Variants in MEI4 observed in about 807,000 individuals in gnomAD.
The protein encoded by MEI4 is meiotic double-stranded break formation protein 4, also known as meiosis-specific protein MEI4.
Under a neutral mutation model 31.4 loss-of-function variants are expected in MEI4, and 27 were observed. The observed-to-expected ratio is 0.86, with a 90% CI of 0.63 to 1.19. The LOEUF (loss-of-function observed/expected upper bound fraction) is 1.19, where lower values mean the gene tolerates loss of function less well. MEI4 is among the 50% of genes most tolerant of loss of function. The probability of loss-of-function intolerance (pLI) is 0.00; values close to 1 mark genes in which losing one functional copy is unlikely to be tolerated. For synonymous variants in MEI4, 122 were observed against 145.4 expected, an observed-to-expected ratio of 0.84 and a Z score of 1.16; for missense variants, 329 against 398.9, an observed-to-expected ratio of 0.82 and a Z score of 1.49.
chr6:77,749,506 AG>A (rs1767708122), intron 2 of MEI4, among the ~76,000 whole-genome samples: 1 of 152,184 alleles, frequency 6.6e-6, no homozygotes, highest in African/African-American at 2.4e-5. Context: ...ATCAAGTGGA[AG>A]AAAGGATATC....
intron 4 of MEI4, among the ~76,000 whole-genome samples, chr6:77,840,063 T>C (rs1209207870): frequency 6.6e-6 from 1 of 152,212 alleles, no homozygotes; most frequent in Non-Finnish European, 1.5e-5. Context: ...ATGGTAGAAA[T>C]TCTAACCAGA....
intron 2 of MEI4, among the ~76,000 whole-genome samples, chr6:77,732,093 A>C (rs1175160621): frequency 6.6e-6 from 1 of 150,810 alleles, no homozygotes; most frequent in African/African-American, 2.5e-5. Flanking sequence ...TTGACTTAGG[A>C]TTGACTTGGC....
intron 4 of MEI4, among the ~76,000 whole-genome samples, chr6:77,912,773 T>G (rs1766460559): frequency 6.6e-6 from 1 of 152,152 alleles, no homozygotes; most frequent in Admixed American, 6.6e-5. Context: ...CTTCCTCTTT[T>G]CCAATTTGGA....
intron 2 of MEI4, among the ~76,000 whole-genome samples, chr6:77,735,717 T>G (rs1015782037): frequency 1.3e-5 from 2 of 152,124 alleles, no homozygotes; most frequent in South Asian, 4.1e-4. Flanking sequence ...GCTCTGATTT[T>G]TAGAGTTTTC....
At chr6:77,747,002 T>A (rs114924095) in intron 2 of MEI4, among the ~76,000 whole-genome samples, 1,573 of 152,226 alleles carry the variant, frequency 0.01, 28 homozygotes, top group African/African-American at 0.036. Context: ...ATTATTTCAT[T>A]TTCACACTGC....
chr6:77,888,253 C>G (rs1417362403), intron 4 of MEI4, among the ~76,000 whole-genome samples: 1 of 151,466 alleles, frequency 6.6e-6, no homozygotes, highest in East Asian at 1.9e-4. Flanking sequence ...ATTCTGTTGA[C>G]ATTTAGAATA....
intron 2 of MEI4, among the ~76,000 whole-genome samples, chr6:77,739,393 A>G (rs1255113793): frequency 6.6e-6 from 1 of 152,210 alleles, no homozygotes; most frequent in African/African-American, 2.4e-5. Context: ...CTATGCAGCC[A>G]TAGAATAGAA....
At chr6:77,710,539 A>AAAAAAG (rs1561953994) in intron 2 of MEI4, among the ~76,000 whole-genome samples, 15 of 120,756 alleles carry the variant, frequency 1.2e-4, no homozygotes, top group Non-Finnish European at 2.1e-4. Context: ...AAAAAAAAAA[A>AAAAAAG]AAAGAAAAGG....
At chr6:77,764,430 G>A (rs370949851) in intron 3 of MEI4, among the ~76,000 whole-genome samples, 39 of 151,460 alleles carry the variant, frequency 2.6e-4, no homozygotes, top group East Asian at 5.8e-4. Flanking sequence ...AAACTGTTTC[G>A]TTGTTCACTA....
chr6:77,917,660 G>T (rs1340074368), intron 4 of MEI4, among the ~76,000 whole-genome samples: 1 of 98,892 alleles, frequency 1.0e-5, no homozygotes, highest in African/African-American at 4.7e-5. Flanking sequence ...GTAGATTCTG[G>T]ATATTAGCCC....
chr6:77,710,520 CAAAA>C (rs1198470708), intron 2 of MEI4, among the ~76,000 whole-genome samples: 1 of 57,738 alleles, frequency 1.7e-5, no homozygotes, highest in South Asian at 7.5e-4. Context: ...GACTCCATCT[CAAAA>C]AAAAAAAAAA....
At chr6:77,917,914 G>A (rs370664904) in intron 4 of MEI4, among the ~76,000 whole-genome samples, 1 of 148,894 alleles carries the variant, frequency 6.7e-6, no homozygotes, top group African/African-American at 2.5e-5. Context: ...TAACGTTTAA[G>A]TCTTTAATCC....
intron 4 of MEI4, among the ~76,000 whole-genome samples, chr6:77,863,120 C>G (rs1449191604): frequency 6.6e-6 from 1 of 151,810 alleles, no homozygotes; most frequent in Non-Finnish European, 1.5e-5. Context: ...TAGATAAAAC[C>G]ACAAAGATGG....
intron 3 of MEI4, among the ~76,000 whole-genome samples, chr6:77,807,495 A>G (rs112025882): frequency 4.6e-5 from 7 of 152,240 alleles, no homozygotes; most frequent in Admixed American, 1.3e-4. Flanking sequence ...TTTGCCAATC[A>G]TGTTTTTATC....
At chr6:77,813,576 G>T (rs1769624266) in intron 3 of MEI4, among the ~76,000 whole-genome samples, 1 of 151,158 alleles carries the variant, frequency 6.6e-6, no homozygotes, top group Admixed American at 6.6e-5. Context: ...AACCATATTG[G>T]GGACTTGATC....
At chr6:77,851,226 G>A (rs1737887607) in intron 4 of MEI4, among the ~76,000 whole-genome samples, 1 of 151,962 alleles carries the variant, frequency 6.6e-6, no homozygotes, top group African/African-American at 2.4e-5. Context: ...GAAGACTGTG[G>A]TGATTCCTCA....
At chr6:77,909,044 A>G (rs963086835) in intron 4 of MEI4, among the ~76,000 whole-genome samples, 7 of 152,150 alleles carry the variant, frequency 4.6e-5, no homozygotes, top group Non-Finnish European at 7.4e-5. Context: ...AATCAACAGC[A>G]TATACATTCT....
At chr6:77,816,663 G>A (rs1582178361) in intron 3 of MEI4, among the ~76,000 whole-genome samples, 1 of 152,210 alleles carries the variant, frequency 6.6e-6, no homozygotes, top group South Asian at 2.1e-4. Context: ...CCCAGTAATG[G>A]GATGGCTGGG....
At chr6:77,921,318 T>G (rs1207811685) in intron 4 of MEI4, among the ~76,000 whole-genome samples, 2 of 151,876 alleles carry the variant, frequency 1.3e-5, no homozygotes, top group Non-Finnish European at 2.9e-5. Flanking sequence ...CAGAGTGAGT[T>G]TTGTTCTGTA....
Sources: allele counts gnomAD v4.1 joint callset (sites outside exome capture counted in the v4.1 genomes callset), GRCh38; gene constraint gnomAD v4.1.1; transcripts MANE v1.5; gene names NCBI Gene and HGNC (gene_info 2026-07-23, HGNC 2026-07-21).